The following UBXN2B variants were observed in gnomAD, a reference collection of about 807,000 sequenced individuals.
The protein encoded by UBXN2B is UBX domain-containing protein 2B.
A neutral mutation model predicts 37.5 loss-of-function variants in UBXN2B; 19 were observed. The ratio of observed to expected loss-of-function variants is 0.51; its 90% CI spans 0.35 to 0.74. The LOEUF is 0.74. UBXN2B is among the 30% of genes least tolerant of loss of function. The pLI is 0.01. For synonymous variants in UBXN2B, 145 were observed against 143.8 expected (o/e 1.01, Z -0.06); for missense variants, 370 against 393.2 (o/e 0.94, Z 0.50).
At chr8:58,415,958 G>C (rs1373834412) in intron 1 of UBXN2B, among the ~76,000 whole-genome samples, 1 of 151,762 alleles carries the variant, frequency 6.6e-6, no homozygotes, top group African/African-American at 2.4e-5. Context: ...TGTTCTTCTT[G>C]GAGGTAGTTT....
At chr8:58,429,300 T>G (rs1808187426) in intron 2 of UBXN2B, among the ~76,000 whole-genome samples, 1 of 152,150 alleles carries the variant, frequency 6.6e-6, no homozygotes, top group Non-Finnish European at 1.5e-5. Context: ...TCTGTGTTTG[T>G]CGTCGCTCCC....
At chr8:58,425,074 CTGGGGTCAA>C in intron 2 of UBXN2B, 1 of 785,314 alleles carries the variant, frequency 1.3e-6, no homozygotes, top group Non-Finnish European at 2.3e-6. Context: ...CAGCACACCC[CTGGGGTCAA>C]TGGGCACTCC....
intron 7 of UBXN2B, 151 bp from the exon 8 acceptor site, chr8:58,447,238 A>C (rs1808702404): frequency 1.5e-6 from 1 of 653,304 alleles, no homozygotes; most frequent in South Asian, 3.1e-5. Flanking sequence ...GCCTAAGATA[A>C]ATCCTTCAAT....
intron 2 of UBXN2B, 121 bp from the exon 3 acceptor site, chr8:58,430,398 G>T: frequency 1.6e-6 from 1 of 629,674 alleles, no homozygotes; most frequent in Non-Finnish European, 2.4e-6. Context: ...TATTCTCATA[G>T]AAGTCAAAAT....
intron 2 of UBXN2B, among the ~76,000 whole-genome samples, chr8:58,420,467 A>G (rs569984409): frequency 3.9e-4 from 60 of 152,366 alleles, no homozygotes; most frequent in Admixed American, 2.2e-3. Flanking sequence ...TACATGATTC[A>G]CATCAAAATG....
At position 58,447,547 on chromosome 8, in the gene UBXN2B, A is replaced by G; in HGVS notation, c.992A>G (p.Lys331Arg). The G allele has an allele frequency of 6.2e-7, 1 of 1,609,242 alleles. No individual in the cohort carries two copies. The highest frequency in any genetic ancestry group is 1.1e-5 in the South Asian group (1 of 90,226). The change falls in exon 8 of 8, where the codon AAA (lysine) becomes AGA (arginine). Residue 331 changes from lysine (K) to arginine (R), a missense_variant. Transcript: ENST00000399598. The part of the protein sequence containing the change: ...ILNTVLLQQL[K>R] ...AACACTGTGTTACTCCAGCAACTAA[A>G]ATAATATTGTTCCTGTCCATGCAGT...
chr8:58,434,560 A>G, intron 5 of UBXN2B, 56 bp downstream of exon 5: 2 of 1,258,290 alleles, frequency 1.6e-6, no homozygotes, highest in South Asian at 1.6e-5. Flanking sequence ...TATTTTCTTA[A>G]CAGACTACTC....
chr8:58,444,010 T>G (rs903822902), intron 6 of UBXN2B, among the ~76,000 whole-genome samples: 6 of 152,200 alleles, frequency 3.9e-5, no homozygotes, highest in Non-Finnish European at 7.3e-5. Flanking sequence ...TTCTCAAATG[T>G]TATTATTCCA....
chr8:58,432,531 C>T (rs951833624), intron 3 of UBXN2B, among the ~76,000 whole-genome samples: 5 of 151,696 alleles, frequency 3.3e-5, no homozygotes, highest in African/African-American at 4.8e-5. Context: ...TACAGGCACC[C>T]GCCACCACAC....
At chr8:58,432,089 G>A (rs1808293431) in intron 3 of UBXN2B, among the ~76,000 whole-genome samples, 1 of 152,052 alleles carries the variant, frequency 6.6e-6, no homozygotes. Context: ...CTATAAACTT[G>A]GATAAAGTCC....
rs1326070240 is a variant in UBXN2B, at chr8:58,448,139, G to A, written c.*588G>A. On this transcript the variant is annotated 3_prime_UTR_variant, in exon 8 of 8. Coordinates refer to ENST00000399598, the MANE Select transcript of UBXN2B (RefSeq NM_001077619.2). ...TATTTTACAGAATTATGACTGTTGT[G>A]AACTTAAACAGAAACACATAAAGGT... The A allele has an allele frequency of 6.7e-6, 1 of 149,904 alleles. No homozygotes were observed. Among genetic ancestry groups the A allele is most frequent in the African/African-American group, 2.5e-5 (1 of 40,768 alleles). 9.3% of individuals were successfully genotyped at this position (149,904 alleles called of 1,614,324 possible).
intron 6 of UBXN2B, among the ~76,000 whole-genome samples, chr8:58,442,434 AC>A (rs1332430057): frequency 6.6e-6 from 1 of 152,264 alleles, no homozygotes; most frequent in Non-Finnish European, 1.5e-5. Context: ...AGAGTTCAAG[AC>A]AATTATTTAC....
At chr8:58,441,624 A>C (rs961882336) in intron 6 of UBXN2B, among the ~76,000 whole-genome samples, 1 of 152,096 alleles carries the variant, frequency 6.6e-6, no homozygotes, top group African/African-American at 2.4e-5. Flanking sequence ...TGAAGAAGGT[A>C]GCATAAAGGG....
intron 4 of UBXN2B, among the ~76,000 whole-genome samples, chr8:58,433,504 G>A (rs558081533): frequency 1.2e-4 from 18 of 151,868 alleles, no homozygotes; most frequent in Non-Finnish European, 2.4e-4. Flanking sequence ...GCCAGGCGTG[G>A]TGACATGCAT....
chr8:58,448,700 A>G lies in UBXN2B; in HGVS notation c.*1149A>G, dbSNP rs559696704. 5.2e-5 allele frequency: 8 copies of G among 152,664 alleles called. No homozygotes were observed. Among genetic ancestry groups the G allele is most frequent in the African/African-American group, 1.9e-4 (8 of 41,536 alleles). 9.5% of individuals were successfully genotyped at this position (152,664 alleles called of 1,614,324 possible). A position where few individuals can be genotyped will look rare whatever the true frequency, so the allele number is the denominator to read the frequency against. On this transcript the variant is annotated 3_prime_UTR_variant, in exon 8 of 8. Transcript: ENST00000399598. ...AATACAGGAATGTAAATTCTGTCAG[A>G]CGGACTAGATCTAAAGAATTACCAG...
At chr8:58,415,391 T>C (rs1012135718) in intron 1 of UBXN2B, among the ~76,000 whole-genome samples, 2 of 152,132 alleles carry the variant, frequency 1.3e-5, no homozygotes, top group South Asian at 4.1e-4. Context: ...TTCTGAAAAC[T>C]TTAGACCCTA....
rs201097674 is a variant in UBXN2B, at chr8:58,440,997, C to CTT, written c.671+1239_671+1240dup. Among the ~76,000 whole-genome samples the CTT allele has an allele frequency of 2.2e-4, 31 of 143,628 alleles. 1 individual carries two copies. Among genetic ancestry groups the CTT allele is most frequent in the Non-Finnish European group, 2.6e-4 (17 of 65,278 alleles). 94.2% of individuals were successfully genotyped at this position (143,628 alleles called of 152,430 possible). A position where few individuals can be genotyped will look rare whatever the true frequency, so the allele number is the denominator to read the frequency against. Reference sequence around the variant, plus strand: ...ACACGTCAGGCTTCTCTTTCTTTCTCTTTTTTTTTTTTTGAGATGGGGTCT... The same window carrying CTT: ...ACACGTCAGGCTTCTCTTTCTTTCTCTTTTTTTTTTTTTTTGAGATGGGGTCT... On this transcript the variant is annotated intron_variant, in intron 6 of 7. Transcript: ENST00000399598.
chr8:58,445,258 A>G (rs971004642), intron 6 of UBXN2B, among the ~76,000 whole-genome samples: 2 of 152,206 alleles, frequency 1.3e-5, no homozygotes, highest in South Asian at 2.1e-4. Context: ...AAGATATTCT[A>G]TCAAGCTTCA....
In UBXN2B at chr8:58,424,558, A is replaced by G. The variant is rs118070618; in HGVS notation, c.189-5961A>G. On this transcript the variant is annotated intron_variant, in intron 2 of 7. Coordinates refer to ENST00000399598, the MANE Select transcript of UBXN2B (RefSeq NM_001077619.2). ...TAGGGAGAGAGTGAAGTCCACATCT[A>G]TTTTTGTGCTGAAGTTTTGGCAGAT... The G allele has an allele frequency of 5.5e-4, 544 of 981,162 alleles. 4 individuals are homozygous for G. The East Asian group carries it at 0.013, about 23-fold the overall frequency. The allele number at this position is 981,162 out of a possible 1,614,324, so 60.8% of individuals were successfully genotyped here.
Sources: allele counts gnomAD v4.1 joint callset (sites outside exome capture counted in the v4.1 genomes callset), GRCh38; gene constraint gnomAD v4.1.1; transcripts MANE v1.5; gene names NCBI Gene and HGNC (gene_info 2026-07-23, HGNC 2026-07-21).